FAM3C: variants seen among roughly 807,000 people sequenced by gnomAD.
The protein encoded by FAM3C is protein FAM3C.
A neutral mutation model predicts 32.5 loss-of-function variants in FAM3C; 15 were observed. The ratio of observed to expected loss-of-function variants is 0.46; its 90% CI spans 0.31 to 0.71. The LOEUF (loss-of-function observed/expected upper bound fraction) is 0.71, where lower values mean the gene tolerates loss of function less well. Among genes scored for constraint, FAM3C ranks in the 30% least tolerant of loss-of-function variants. The pLI is 0.05. For synonymous variants in FAM3C, 75 were observed against 86.1 expected (o/e 0.87, Z 0.72); for missense variants, 175 against 274.4 (o/e 0.64, Z 2.56).
At chr7:121,362,431 A>G (rs1198416539) in intron 7 of FAM3C, among the ~76,000 whole-genome samples, 2 of 152,180 alleles carry the variant, frequency 1.3e-5, no homozygotes, top group Non-Finnish European at 2.9e-5. Flanking sequence ...TAAAACTGAT[A>G]GTTTATCTTG....
At chr7:121,353,406 C>G (rs1310705449) in intron 8 of FAM3C, among the ~76,000 whole-genome samples, 2 of 152,152 alleles carry the variant, frequency 1.3e-5, no homozygotes, top group Non-Finnish European at 2.9e-5. Context: ...CTCCATTAAT[C>G]TTATTCCTTG....
chr7:121,382,651 T>C (rs1174615761), intron 2 of FAM3C, among the ~76,000 whole-genome samples: 4 of 151,898 alleles, frequency 2.6e-5, no homozygotes, highest in African/African-American at 9.7e-5. Context: ...AAATGAGCAT[T>C]TCCTTTGAGC....
intron 5 of FAM3C, among the ~76,000 whole-genome samples, chr7:121,370,380 A>G (rs1231975986): frequency 6.6e-6 from 1 of 152,226 alleles, no homozygotes; most frequent in Non-Finnish European, 1.5e-5. Context: ...AAGAGCTTCA[A>G]TATTAAAAAG....
At chr7:121,370,943 T>C (rs1344476567) in intron 5 of FAM3C, among the ~76,000 whole-genome samples, 1 of 152,160 alleles carries the variant, frequency 6.6e-6, no homozygotes, top group Non-Finnish European at 1.5e-5. Context: ...GAACTGAACT[T>C]TTTAGTTAAT....
chr7:121,395,511 T>C (rs896115835), intron 1 of FAM3C, among the ~76,000 whole-genome samples: 4 of 149,544 alleles, frequency 2.7e-5, no homozygotes, highest in Non-Finnish European at 4.4e-5. Context: ...CTCCCACAAG[T>C]AAAACAGCTG....
intron 2 of FAM3C, among the ~76,000 whole-genome samples, chr7:121,381,445 G>C (rs1794354654): frequency 6.6e-6 from 1 of 152,116 alleles, no homozygotes; most frequent in Non-Finnish European, 1.5e-5. Flanking sequence ...TAAGCACTCA[G>C]TGAATAATTA....
intron 1 of FAM3C, among the ~76,000 whole-genome samples, chr7:121,388,793 C>T (rs538859095): frequency 1.3e-5 from 2 of 152,122 alleles, no homozygotes; most frequent in African/African-American, 4.8e-5. Context: ...TAGAAGTATA[C>T]TATGGAAAAG....
At chr7:121,394,682 C>A (rs973097262) in intron 1 of FAM3C, among the ~76,000 whole-genome samples, 1 of 152,156 alleles carries the variant, frequency 6.6e-6, no homozygotes, top group African/African-American at 2.4e-5. Flanking sequence ...AACAAAGCTT[C>A]TAATACCTGT....
At chr7:121,357,855 T>C (rs1338972625) in intron 8 of FAM3C, among the ~76,000 whole-genome samples, 1 of 152,168 alleles carries the variant, frequency 6.6e-6, no homozygotes, top group Non-Finnish European at 1.5e-5. Flanking sequence ...TATAATTTAT[T>C]ATTAGCATAT....
At chr7:121,385,111 G>A (rs1475622744) in intron 1 of FAM3C, among the ~76,000 whole-genome samples, 4 of 152,100 alleles carry the variant, frequency 2.6e-5, no homozygotes, top group South Asian at 4.1e-4. Context: ...GGAGAAAAAG[G>A]CCTTTGCTAG....
At chr7:121,388,978 G>A (rs1018580711) in intron 1 of FAM3C, among the ~76,000 whole-genome samples, 10 of 151,992 alleles carry the variant, frequency 6.6e-5, no homozygotes, top group African/African-American at 2.4e-4. Flanking sequence ...AAAACACTTC[G>A]GAAAACTTCT....
At position 121,359,048 on chromosome 7, in the gene FAM3C, CT is replaced by C. The variant is rs555679008; in HGVS notation, c.467+994del. ...ATAAAGGCATATTAAAATAAGATAC[CT>C]TTTCAAACTCTTAAAATTGAAACTT... On this transcript the variant is annotated intron_variant, in intron 8 of 9. Transcript: ENST00000359943. Among the ~76,000 whole-genome samples the C allele has an allele frequency of 6.5e-4, 99 of 151,382 alleles. 1 individual carries two copies. The South Asian group carries it at 9.4e-3, about 14-fold the overall frequency.
intron 1 of FAM3C, among the ~76,000 whole-genome samples, chr7:121,383,291 C>T (rs539930797): frequency 6.6e-6 from 1 of 152,184 alleles, no homozygotes; most frequent in South Asian, 2.1e-4. Context: ...CCTTCTTATT[C>T]TCATGGATTA....
intron 8 of FAM3C, among the ~76,000 whole-genome samples, chr7:121,356,898 G>A (rs1793825177): frequency 6.6e-6 from 1 of 152,150 alleles, no homozygotes; most frequent in African/African-American, 2.4e-5. Context: ...GAAGTGTTAA[G>A]TTTTCTTAGA....
chr7:121,385,448 T>C (rs718766), intron 1 of FAM3C, among the ~76,000 whole-genome samples: 43,793 of 152,086 alleles, frequency 0.29, 6,661 homozygotes, highest in African/African-American at 0.38. Context: ...CGCTGGACAA[T>C]GAAACACTGC....
At position 121,374,966 on chromosome 7, in the gene FAM3C, C is replaced by G. The variant is rs576241771; in HGVS notation, c.119-2827G>C. 2.6e-5 allele frequency among the ~76,000 whole-genome samples: 4 copies of G among 152,266 alleles called. No individual in the cohort carries two copies. The South Asian group carries it at 8.3e-4, about 32-fold the overall frequency. On this transcript the variant is annotated intron_variant, in intron 3 of 9. Coordinates refer to ENST00000359943, the MANE Select transcript of FAM3C (RefSeq NM_014888.3). ...ATGTAGAAATCCTAATTCTCTGTTACCTACATTTGTTTTCACTCAATCAGC... is the reference window on the plus strand; with the variant it reads ...ATGTAGAAATCCTAATTCTCTGTTAGCTACATTTGTTTTCACTCAATCAGC...
At chr7:121,388,705 T>C (rs1794515645) in intron 1 of FAM3C, among the ~76,000 whole-genome samples, 1 of 152,174 alleles carries the variant, frequency 6.6e-6, no homozygotes, top group Non-Finnish European at 1.5e-5. Flanking sequence ...TGGCTTTTCT[T>C]ATTTTCTTAA....
chr7:121,351,711 GTA>G (rs1407792258), intron 8 of FAM3C, among the ~76,000 whole-genome samples: 4 of 152,120 alleles, frequency 2.6e-5, no homozygotes, highest in Admixed American at 6.6e-5. Flanking sequence ...ACAAAAATCT[GTA>G]TGTTTCTAAC....
At position 121,361,770 on chromosome 7, in the gene FAM3C, G is replaced by A. The variant is rs559788866; in HGVS notation, c.382+1127C>T. Among the ~76,000 whole-genome samples, 129 of 152,248 alleles carry A rather than the reference G, an allele frequency of 8.5e-4. 1 individual carries two copies. The highest frequency in any genetic ancestry group is 5.1e-4 in the Non-Finnish European group (35 of 68,008). On this transcript the variant is annotated intron_variant, in intron 7 of 9. Transcript: ENST00000359943. ...GGCTCACCGCAACTTCTGCCTCCCC[G>A]GTTCAAGGGATTCTCCTGCTTCGGC...
Sources: gnomAD v4.1 joint callset for allele counts (sites outside exome capture counted in the v4.1 genomes callset) on GRCh38, gnomAD v4.1.1 for gene constraint, MANE v1.5 for transcripts, NCBI Gene and HGNC (gene_info 2026-07-23, HGNC 2026-07-21) for gene names.